Variants in RASA2 observed in about 807,000 individuals in gnomAD.
RASA2 encodes the protein RAS p21 protein activator 2.
In RASA2, 155 loss-of-function variants were observed where a neutral mutation model predicts 118.2. The ratio of observed to expected loss-of-function variants is 1.31; its 90% CI spans 1.15 to 1.50. RASA2 has a LOEUF of 1.50. Among genes scored for constraint, RASA2 ranks in the 40% most tolerant of loss-of-function variants. The pLI is 0.00. For missense variants in RASA2, 1,016 were observed against 1,009.6 expected, an observed-to-expected ratio of 1.01 and a Z score of -0.09; for synonymous variants, 353 against 349.1, an observed-to-expected ratio of 1.01 and a Z score of -0.12.
At chr3:141,517,894 A>G (rs569081136) in intron 3 of RASA2, among the ~76,000 whole-genome samples, 17 of 152,056 alleles carry the variant, frequency 1.1e-4, no homozygotes, top group African/African-American at 3.4e-4. Flanking sequence ...TGACCTCGTG[A>G]TCTGCCCACC....
At chr3:141,550,301 C>T in intron 5 of RASA2, among the ~76,000 whole-genome samples, 1 of 152,196 alleles carries the variant, frequency 6.6e-6, no homozygotes, top group Non-Finnish European at 1.5e-5. Context: ...TACATAACCT[C>T]AACCTAATCA....
At chr3:141,519,173 G>A (rs966252940) in intron 3 of RASA2, among the ~76,000 whole-genome samples, 1 of 152,014 alleles carries the variant, frequency 6.6e-6, no homozygotes. Flanking sequence ...GCCCCACAGA[G>A]TATCATACTA....
chr3:141,502,936 A>G (rs986216778), intron 1 of RASA2, among the ~76,000 whole-genome samples: 3 of 152,190 alleles, frequency 2.0e-5, no homozygotes, highest in Non-Finnish European at 4.4e-5. Flanking sequence ...GCACAGCTGT[A>G]TTCAGAAAGA....
intron 15 of RASA2, 107 bp downstream of exon 15, chr3:141,577,213 G>T: frequency 5.0e-6 from 4 of 802,710 alleles, no homozygotes; most frequent in African/African-American, 1.8e-5. Flanking sequence ...TCTTATAACT[G>T]ATACTTAAAT....
chr3:141,553,805 TA>T, intron 5 of RASA2, 51 bp from the exon 6 acceptor site: 6 of 1,574,532 alleles, frequency 3.8e-6, no homozygotes, highest in Non-Finnish European at 5.2e-6. Context: ...GATAATGTTT[TA>T]TCTTGTTTAA....
Position 141,580,414 on chromosome 3 carries a change from A to G in RASA2, c.1637A>G (p.Gln546Arg). ...RTLTLISKTI[Q>R]TLGSWGSLSK... The stretch of plus-strand genomic sequence containing the variant: ...TTAACTCTCATCTCAAAAACTATAC[A>G]AACTTTGGGAAGCTGGGGGAGTCTG... The change falls in exon 16 of 24, where the codon CAA (glutamine) becomes CGA (arginine). Residue 546 changes from glutamine (Q) to arginine (R), a missense_variant. Physicochemically the swap from Gln to Arg is conservative, Grantham distance 43. Around this residue, in one of 2 missense-constraint regions of RASA2, gnomAD observed 896 missense variants for 836.4 expected, o/e 1.07. Transcript: ENST00000286364. 6.2e-7 allele frequency: 1 copy of G among 1,610,050 alleles called. No individual in the cohort carries two copies. The highest frequency in any genetic ancestry group is 8.5e-7 in the Non-Finnish European group (1 of 1,177,296).
Position 141,573,199 on chromosome 3 carries a change from G to T in RASA2, c.1337G>T (p.Gly446Val), listed in dbSNP as rs1382297957. 3 of 1,539,354 alleles carry T rather than the reference G, an allele frequency of 1.9e-6. No individual in the cohort carries two copies. Among genetic ancestry groups the T allele is most frequent in the East Asian group, 2.4e-5 (1 of 40,960 alleles). The change falls in exon 13 of 24, where the codon GGA (glycine) becomes GTA (valine). Residue 446 changes from glycine (G) to valine (V), a missense_variant. Coordinates refer to ENST00000286364, the MANE Select transcript of RASA2 (RefSeq NM_006506.5). ...ATCGATCCTATTAAATTGAAAGAGG[G>T]AGATAATGTAGAAAATAATAAGGTA... is the stretch of plus-strand genomic sequence containing the variant. Reference protein sequence around the residue: ...CEIDPIKLKEGDNVENNKENL... With the variant: ...CEIDPIKLKEVDNVENNKENL...
At chr3:141,516,165 C>T (rs534335871) in intron 2 of RASA2, among the ~76,000 whole-genome samples, 163 bp from the exon 3 acceptor site, 103 of 151,024 alleles carry the variant, frequency 6.8e-4, no homozygotes, top group African/African-American at 2.2e-3. Flanking sequence ...CAAAGCTGCA[C>T]GTTGTGCACA....
At chr3:141,586,809 T>C (rs761409090) in intron 19 of RASA2, 57 bp downstream of exon 19, 6 of 1,359,728 alleles carry the variant, frequency 4.4e-6, no homozygotes, top group Non-Finnish European at 6.3e-6. Context: ...GAAGGTTTCT[T>C]TGCCGCTTAT....
chr3:141,558,859 A>AT, intron 7 of RASA2, 27 bp from the exon 8 acceptor site: 1 of 1,517,342 alleles, frequency 6.6e-7, no homozygotes. Context: ...TTTAAAAAAA[A>AT]TTTTTACTAA....
chr3:141,544,991 G>A (rs1220262456), intron 5 of RASA2, among the ~76,000 whole-genome samples: 1 of 152,196 alleles, frequency 6.6e-6, no homozygotes, highest in East Asian at 1.9e-4. Context: ...GCCTACCAGA[G>A]GGTGGAGAGT....
rs1013845325 is a variant in RASA2, at chr3:141,608,845, G to A, written c.2225+148G>A. The A allele has an allele frequency of 5.7e-6, 5 of 872,774 alleles. No homozygotes were observed. The African/African-American group carries it at 8.5e-5, about 15-fold the overall frequency. 54.1% of individuals were successfully genotyped at this position (872,774 alleles called of 1,614,324 possible). On this transcript the variant is annotated intron_variant, in intron 21 of 23. Coordinates refer to ENST00000286364, the MANE Select transcript of RASA2 (RefSeq NM_006506.5). ...TGAAAAATTATGCTAAGTGAAAGAA[G>A]TCAATCATAAAGGCCACGTATTATC...
At chr3:141,511,265 G>A (rs1390742565) in intron 1 of RASA2, among the ~76,000 whole-genome samples, 1 of 152,194 alleles carries the variant, frequency 6.6e-6, no homozygotes, top group African/African-American at 2.4e-5. Flanking sequence ...GATATCCAAG[G>A]AGACAGTTAA....
At chr3:141,500,202 G>A (rs755048506) in intron 1 of RASA2, among the ~76,000 whole-genome samples, 4 of 152,126 alleles carry the variant, frequency 2.6e-5, no homozygotes, top group Non-Finnish European at 5.9e-5. Flanking sequence ...TTTCTTTTCA[G>A]TAGTTCTTGA....
intron 14 of RASA2, among the ~76,000 whole-genome samples, chr3:141,575,501 G>A (rs1261092899): frequency 6.6e-6 from 1 of 152,208 alleles, no homozygotes; most frequent in Non-Finnish European, 1.5e-5. Flanking sequence ...CAGTGTTAGT[G>A]TGTTAGCCTC....
chr3:141,558,798 AT>A, intron 7 of RASA2, 87 bp from the exon 8 acceptor site: 2 of 1,033,540 alleles, frequency 1.9e-6, no homozygotes, highest in African/African-American at 1.6e-5. Flanking sequence ...TTTATCCACA[AT>A]TGAATATTTT....
At chr3:141,506,093 A>G (rs1049007328) in intron 1 of RASA2, among the ~76,000 whole-genome samples, 1 of 152,218 alleles carries the variant, frequency 6.6e-6, no homozygotes, top group Non-Finnish European at 1.5e-5. Flanking sequence ...ATTAGTTAAC[A>G]GTTATGTTGT....
chr3:141,587,990 A>G (rs1477980627), intron 19 of RASA2, among the ~76,000 whole-genome samples: 1 of 152,202 alleles, frequency 6.6e-6, no homozygotes, highest in Non-Finnish European at 1.5e-5. Flanking sequence ...TTCTTTGACT[A>G]TGGACCTATA....
At chr3:141,517,459 G>A (rs781507372) in intron 3 of RASA2, among the ~76,000 whole-genome samples, 1 of 152,134 alleles carries the variant, frequency 6.6e-6, no homozygotes, top group Admixed American at 6.5e-5. Context: ...CAGGAGAGAG[G>A]AGAGTTGGGA....
Sources: allele counts gnomAD v4.1 joint callset (sites outside exome capture counted in the v4.1 genomes callset), GRCh38; gene constraint gnomAD v4.1.1; regional missense constraint gnomAD v4.1.1; transcripts MANE v1.5; gene names NCBI Gene and HGNC (gene_info 2026-07-23, HGNC 2026-07-21).